NFIX: variants seen among roughly 807,000 people sequenced by gnomAD.
NFIX encodes nuclear factor 1 X-type.
A neutral mutation model predicts 53.3 loss-of-function variants in NFIX; 2 were observed. The observed-to-expected ratio is 0.04, with a 90% CI of 0.02 to 0.12. The LOEUF (loss-of-function observed/expected upper bound fraction) is 0.12. NFIX is among the 10% of genes least tolerant of loss of function. The pLI is 1.00. For synonymous variants in NFIX, 244 were observed against 289.0 expected, an observed-to-expected ratio of 0.84 and a Z score of 1.58; for missense variants, 310 against 674.5, an observed-to-expected ratio of 0.46 and a Z score of 5.99.
intron 2 of NFIX, among the ~76,000 whole-genome samples, chr19:13,058,895 G>C (rs1162177409): frequency 3.3e-5 from 5 of 152,022 alleles, no homozygotes; most frequent in Admixed American, 3.3e-4. Context: ...AATCCCCAGG[G>C]TGTGGGGGTT....
rs1287491978 is a variant in NFIX at position 13,094,844 on chromosome 19, C to G, written c.*195C>G. ...CGGGCCCCAGAAGCAGCCCAGTTCT[C>G]AGAGAGCCCTTGGAAGGGGTCTCGG... is the stretch of plus-strand genomic sequence containing the variant. On this transcript the variant is annotated 3_prime_UTR_variant, in exon 11 of 11. Transcript: ENST00000592199. This position sits in a 1 kb window ranked among gnomAD's most constrained non-coding sequence, Gnocchi z 4.3. The G allele has an allele frequency of 5.1e-6, 3 of 593,102 alleles. No individual in the cohort carries two copies. The highest frequency in any genetic ancestry group is 8.9e-6 in the Non-Finnish European group (3 of 335,484). 36.7% of individuals were successfully genotyped at this position (593,102 alleles called of 1,614,324 possible). A position where few individuals can be genotyped will look rare whatever the true frequency, so the allele number is the denominator to read the frequency against.
In NFIX at chr19:13,066,516, G is replaced by A. The variant is rs968213903; in HGVS notation, c.560-6531G>A. On this transcript the variant is annotated intron_variant, in intron 2 of 10. Coordinates refer to ENST00000592199, the MANE Select transcript of NFIX (RefSeq NM_001365902.3). The surrounding 1 kb of genome is among the most constrained non-coding windows in gnomAD (Gnocchi z 4.2). ...TCTCCAGCAGGTCAGTCAAGTCAAAGGCAGAAGCCCCTTTGGATCTGTGAG... is the reference window on the plus strand; with the variant it reads ...TCTCCAGCAGGTCAGTCAAGTCAAAAGCAGAAGCCCCTTTGGATCTGTGAG... 6.6e-6 allele frequency among the ~76,000 whole-genome samples: 1 copy of A among 152,158 alleles called. No individual in the cohort carries two copies. The highest frequency in any genetic ancestry group is 1.5e-5 in the Non-Finnish European group (1 of 68,026).
At chr19:13,016,657 T>G (rs958359825) in intron 1 of NFIX, among the ~76,000 whole-genome samples, 56 of 151,244 alleles carry the variant, frequency 3.7e-4, no homozygotes, top group Admixed American at 2.8e-3. Context: ...GGTTTGAGTT[T>G]TTTTTTTTTT....
chr19:13,011,606 C>T lies in NFIX; in HGVS notation c.28-13415C>T, dbSNP rs563458519. Among the ~76,000 whole-genome samples, 9 of 152,266 alleles carry T rather than the reference C, an allele frequency of 5.9e-5. No individual in the cohort carries two copies. In the East Asian group the frequency reaches 1.4e-3, roughly 23 times the overall value. On this transcript the variant is annotated intron_variant, in intron 1 of 10. Transcript: ENST00000592199. The surrounding 1 kb of genome is among the most constrained non-coding windows in gnomAD (Gnocchi z 6.5). ...ATCATAGCTCTTTGATATCCCAGCC[C>T]GGCTGGAGAAAGTTAGATGGTACTC...
intron 6 of NFIX, among the ~76,000 whole-genome samples, 171 bp downstream of exon 6, chr19:13,075,842 G>T (rs1461826080): frequency 6.6e-6 from 1 of 152,188 alleles, no homozygotes; most frequent in African/African-American, 2.4e-5. Flanking sequence ...CTGAAGGAAG[G>T]GAGTGGAGGT....
At chr19:13,044,801 C>T (rs551796155) in intron 2 of NFIX, among the ~76,000 whole-genome samples, 62 of 152,302 alleles carry the variant, frequency 4.1e-4, no homozygotes, top group African/African-American at 1.5e-3. Context: ...GCGTCTCCAC[C>T]GTCAGGACTG....
At chr19:13,038,702 C>T (rs939808097) in intron 2 of NFIX, among the ~76,000 whole-genome samples, 8 of 152,244 alleles carry the variant, frequency 5.3e-5, no homozygotes, top group Non-Finnish European at 1.0e-4. Flanking sequence ...GTTGACTTGG[C>T]GCCCTCTGGC....
chr19:13,031,769 A>C (rs1203370651), intron 2 of NFIX, among the ~76,000 whole-genome samples: 1 of 152,124 alleles, frequency 6.6e-6, no homozygotes, highest in East Asian at 1.9e-4. Flanking sequence ...CTTCTTGGCC[A>C]CCCTCTAGTG....
In NFIX at chr19:13,049,200, C is replaced by T. The variant is rs986308080; in HGVS notation, c.559+23648C>T. 2.6e-5 allele frequency among the ~76,000 whole-genome samples: 4 copies of T among 151,816 alleles called. No individual in the cohort carries two copies. The highest frequency in any genetic ancestry group is 1.9e-4 in the East Asian group (1 of 5,192). Reference sequence around the variant, plus strand: ...CCCAAGAATTTAAGGTTGCAGCAAGCGATGATCACACTACTGCACTCCAGC... The same window carrying T: ...CCCAAGAATTTAAGGTTGCAGCAAGTGATGATCACACTACTGCACTCCAGC... On this transcript the variant is annotated intron_variant, in intron 2 of 10. Coordinates refer to ENST00000592199, the MANE Select transcript of NFIX (RefSeq NM_001365902.3). The surrounding 1 kb of genome is among the most constrained non-coding windows in gnomAD (Gnocchi z 4.5).
At chr19:13,034,980 T>C (rs905932837) in intron 2 of NFIX, among the ~76,000 whole-genome samples, 1 of 152,160 alleles carries the variant, frequency 6.6e-6, no homozygotes, top group Non-Finnish European at 1.5e-5. Flanking sequence ...TCTTGGACAT[T>C]GTAGAGTTTT....
Position 13,045,855 on chromosome 19 carries a change from T to A in NFIX, c.559+20303T>A, listed in dbSNP as rs1042679622. Among the ~76,000 whole-genome samples the A allele has an allele frequency of 4.6e-5, 7 of 152,210 alleles. No individual in the cohort carries two copies. The highest frequency in any genetic ancestry group is 1.5e-5 in the Non-Finnish European group (1 of 68,030). On this transcript the variant is annotated intron_variant, in intron 2 of 10. Coordinates refer to ENST00000592199, the MANE Select transcript of NFIX (RefSeq NM_001365902.3). The surrounding 1 kb of genome is among the most constrained non-coding windows in gnomAD (Gnocchi z 4.4). Reference sequence around the variant, plus strand: ...TGTCCTCGTTGCCGACTGAGGCACCTGGGAGTGAGGGGCTTGGACATTCTT... The same window carrying A: ...TGTCCTCGTTGCCGACTGAGGCACCAGGGAGTGAGGGGCTTGGACATTCTT...
chr19:13,090,915 A>G lies in NFIX; in HGVS notation c.1494+525A>G, dbSNP rs2018099490. Among the ~76,000 whole-genome samples, 1 of 152,166 alleles carries G rather than the reference A, an allele frequency of 6.6e-6. No homozygotes were observed. The highest frequency in any genetic ancestry group is 1.5e-5 in the Non-Finnish European group (1 of 68,026). ...CTAGAGGCCCCTCACCCAAGTCTCC[A>G]GGAGTCCTGTTAGGGAGAAGGCCAG... On this transcript the variant is annotated intron_variant, in intron 10 of 10. Transcript: ENST00000592199. This position sits in a 1 kb window ranked among gnomAD's most constrained non-coding sequence, Gnocchi z 6.6.
At chr19:13,087,371 T>C (rs1208036759) in intron 8 of NFIX, among the ~76,000 whole-genome samples, 3 of 152,274 alleles carry the variant, frequency 2.0e-5, no homozygotes, top group Non-Finnish European at 2.9e-5. Flanking sequence ...ATGGATTTTC[T>C]TCCCTGGCCA....
Position 13,027,283 on chromosome 19 carries a change from C to T in NFIX, c.559+1731C>T, listed in dbSNP as rs931871971. 8.5e-5 allele frequency among the ~76,000 whole-genome samples: 13 copies of T among 152,164 alleles called. No homozygotes were observed. The highest frequency in any genetic ancestry group is 1.6e-4 in the Non-Finnish European group (11 of 68,040). ...AAGGGCCAGGTGCCAGTCATTCCCCCTCCCTTCAGCTTGAATTTTTTCTTT... is the reference window on the plus strand; with the variant it reads ...AAGGGCCAGGTGCCAGTCATTCCCCTTCCCTTCAGCTTGAATTTTTTCTTT... On this transcript the variant is annotated intron_variant, in intron 2 of 10. Coordinates refer to ENST00000592199, the MANE Select transcript of NFIX (RefSeq NM_001365902.3). This position sits in a 1 kb window ranked among gnomAD's most constrained non-coding sequence, Gnocchi z 4.3.
Position 13,081,291 on chromosome 19 carries a change from G to A in NFIX, c.1079-389G>A, listed in dbSNP as rs931694084. On this transcript the variant is annotated intron_variant, in intron 7 of 10. Coordinates refer to ENST00000592199, the MANE Select transcript of NFIX (RefSeq NM_001365902.3). This position sits in a 1 kb window ranked among gnomAD's most constrained non-coding sequence, Gnocchi z 4.7. ...TGCACTCCAGTCTGGATGACAGAGC[G>A]AGACCCTGTCTCAAATAATAATAAT... Among the ~76,000 whole-genome samples, 1 of 152,092 alleles carries A rather than the reference G, an allele frequency of 6.6e-6. No homozygotes were observed. The highest frequency in any genetic ancestry group is 1.9e-4 in the East Asian group (1 of 5,186).
rs938320576 is a variant in NFIX, at chr19:13,072,905, T to C, written c.560-142T>C. 1.1e-5 allele frequency: 9 copies of C among 797,860 alleles called. No homozygotes were observed. 49.4% of individuals were successfully genotyped at this position (797,860 alleles called of 1,614,324 possible). On this transcript the variant is annotated intron_variant, in intron 2 of 10. Coordinates refer to ENST00000592199, the MANE Select transcript of NFIX (RefSeq NM_001365902.3). This position sits in a 1 kb window ranked among gnomAD's most constrained non-coding sequence, Gnocchi z 4.0. Reference sequence around the variant, plus strand: ...TCTCCCGGAGCCTCCTGGGGCTGGTTTGGGGAGAGGGTGGGGTGAAGGTTT... The same window carrying C: ...TCTCCCGGAGCCTCCTGGGGCTGGTCTGGGGAGAGGGTGGGGTGAAGGTTT...
chr19:13,047,505 C>T (rs2015062756), intron 2 of NFIX, among the ~76,000 whole-genome samples: 1 of 152,194 alleles, frequency 6.6e-6, no homozygotes. Context: ...AATGTCGGCT[C>T]TGACTACACC....
intron 8 of NFIX, among the ~76,000 whole-genome samples, chr19:13,083,139 CCT>C (rs2017572905): frequency 6.6e-6 from 1 of 152,156 alleles, no homozygotes; most frequent in South Asian, 2.1e-4. Flanking sequence ...GCTTCGCCCA[CCT>C]CTCTCTGGAC....
At chr19:12,997,560 C>T (rs1043293487) in intron 1 of NFIX, among the ~76,000 whole-genome samples, 1 of 152,248 alleles carries the variant, frequency 6.6e-6, no homozygotes, top group African/African-American at 2.4e-5. Context: ...CAACTGCCTA[C>T]CCAGCGGTGT....
Sources: gnomAD v4.1 joint callset for allele counts (sites outside exome capture counted in the v4.1 genomes callset) on GRCh38, gnomAD v4.1.1 for gene constraint, Gnocchi (gnomAD v3.1) non-coding constraint, MANE v1.5 for transcripts, NCBI Gene and HGNC (gene_info 2026-07-23, HGNC 2026-07-21) for gene names.